PTPRD: variants seen among roughly 807,000 people sequenced by gnomAD.
PTPRD encodes the protein receptor-type tyrosine-protein phosphatase delta.
In PTPRD, 34 loss-of-function variants were observed where a neutral mutation model predicts 214.5. That is an observed-to-expected ratio of 0.16 (90% CI 0.12 to 0.21). The LOEUF is 0.21. Ranked by LOEUF, PTPRD falls within the 10% of genes least tolerant of loss-of-function variation. PTPRD has a pLI of 1.00. For synonymous variants in PTPRD, 1,128 were observed against 845.7 expected, an observed-to-expected ratio of 1.33 and a Z score of -5.79; for missense variants, 2,545 against 2,398.7, an observed-to-expected ratio of 1.06 and a Z score of -1.27.
At chr9:8,777,317 A>G (rs1182929322) in intron 11 of PTPRD, among the ~76,000 whole-genome samples, 1 of 152,126 alleles carries the variant, frequency 6.6e-6, no homozygotes, top group Admixed American at 6.6e-5. Flanking sequence ...GTATTACCCA[A>G]CTGGTTGACA....
intron 7 of PTPRD, among the ~76,000 whole-genome samples, chr9:9,722,963 C>T (rs920575585): frequency 2.0e-5 from 3 of 152,050 alleles, no homozygotes; most frequent in Admixed American, 6.6e-5. Context: ...TATGATTTCA[C>T]AACACTTTCT....
chr9:8,951,320 CT>C (rs35028756), intron 11 of PTPRD, among the ~76,000 whole-genome samples: 34,370 of 127,632 alleles, frequency 0.27, 4,069 homozygotes, highest in East Asian at 0.32. Flanking sequence ...CTGGATCCTC[CT>C]TTTTTTTTTT....
At chr9:8,710,104 C>T (rs150478449) in intron 12 of PTPRD, among the ~76,000 whole-genome samples, 93 of 152,212 alleles carry the variant, frequency 6.1e-4, no homozygotes, top group Non-Finnish European at 1.2e-3. Flanking sequence ...GCAAGGTGCA[C>T]GCACATCCTA....
intron 8 of PTPRD, among the ~76,000 whole-genome samples, chr9:9,536,000 C>G (rs1468957700): frequency 6.6e-6 from 1 of 152,008 alleles, no homozygotes; most frequent in Non-Finnish European, 1.5e-5. Flanking sequence ...AATGTCATAT[C>G]AACATAAATA....
intron 2 of PTPRD, among the ~76,000 whole-genome samples, chr9:10,347,436 G>A (rs1239242139): frequency 1.4e-5 from 2 of 141,300 alleles, no homozygotes; most frequent in East Asian, 4.1e-4. Flanking sequence ...TTGAGATGGA[G>A]TTTTGCTCTT....
Position 9,927,682 on chromosome 9 carries a change from A to G in PTPRD, c.-368+10825T>C, listed in dbSNP as rs182650257. Among the ~76,000 whole-genome samples the G allele has an allele frequency of 7.0e-4, 106 of 152,236 alleles. No individual in the cohort carries two copies. The East Asian group carries it at 0.014, about 21-fold the overall frequency. On this transcript the variant is annotated intron_variant, in intron 5 of 45. Transcript: ENST00000381196. The stretch of plus-strand genomic sequence containing the variant: ...CTCCTATGATGGATAAATTACAAGT[A>G]TATTATTAATATCTATCTATTTTTC...
chr9:8,928,833 T>C (rs80029379), intron 11 of PTPRD, among the ~76,000 whole-genome samples: 2 of 152,152 alleles, frequency 1.3e-5, no homozygotes, highest in African/African-American at 4.8e-5. Context: ...GGATGGAATG[T>C]TTTTCCATTT....
At chr9:10,395,935 C>G (rs1050010001) in intron 2 of PTPRD, among the ~76,000 whole-genome samples, 2 of 143,496 alleles carry the variant, frequency 1.4e-5, no homozygotes, top group Non-Finnish European at 3.0e-5. Context: ...GAAGAAGCCA[C>G]AGAGGGACAT....
chr9:10,334,398 C>G (rs1490259607), intron 3 of PTPRD, among the ~76,000 whole-genome samples: 1 of 151,494 alleles, frequency 6.6e-6, no homozygotes, highest in Non-Finnish European at 1.5e-5. Context: ...AGGGAGCTTC[C>G]TCAACTTGGT....
At chr9:10,171,151 C>A (rs1593073914) in intron 3 of PTPRD, among the ~76,000 whole-genome samples, 1 of 152,280 alleles carries the variant, frequency 6.6e-6, no homozygotes, top group South Asian at 2.1e-4. Flanking sequence ...AGAGTTATAT[C>A]TATACCTGGG....
chr9:10,218,271 C>T (rs969915553), intron 3 of PTPRD, among the ~76,000 whole-genome samples: 1 of 151,830 alleles, frequency 6.6e-6, no homozygotes, highest in African/African-American at 2.4e-5. Context: ...AATGAAAAAT[C>T]CAAACAGTAA....
chr9:10,319,636 G>GAT (rs747256986), intron 3 of PTPRD, among the ~76,000 whole-genome samples: 3 of 151,896 alleles, frequency 2.0e-5, no homozygotes, highest in Non-Finnish European at 4.4e-5. Flanking sequence ...TAACGGAATG[G>GAT]ATATACAGGA....
chr9:9,619,982 G>GAGAGAGAA (rs898014020), intron 7 of PTPRD, among the ~76,000 whole-genome samples: 4 of 151,806 alleles, frequency 2.6e-5, no homozygotes, highest in African/African-American at 7.2e-5. Flanking sequence ...TGGAGAAAGA[G>GAGAGAGAA]AGAGAGAAAG....
intron 9 of PTPRD, among the ~76,000 whole-genome samples, chr9:9,346,703 T>C (rs563527168): frequency 4.3e-4 from 65 of 152,242 alleles, no homozygotes; most frequent in African/African-American, 1.5e-3. Context: ...ATTTTTTTTT[T>C]CTTTTTTAGA....
At chr9:9,000,534 A>G (rs953114708) in intron 11 of PTPRD, among the ~76,000 whole-genome samples, 1 of 152,006 alleles carries the variant, frequency 6.6e-6, no homozygotes, top group Non-Finnish European at 1.5e-5. Flanking sequence ...GGCCTCTGCT[A>G]AGGATCTGCA....
chr9:8,352,654 A>T (rs1222410266), intron 39 of PTPRD, among the ~76,000 whole-genome samples: 3 of 152,176 alleles, frequency 2.0e-5, no homozygotes, highest in Non-Finnish European at 4.4e-5. Context: ...ATTACTCCTG[A>T]TTCAGGTTAA....
intron 34 of PTPRD, among the ~76,000 whole-genome samples, chr9:8,449,199 C>A (rs868262614): frequency 6.6e-6 from 1 of 152,144 alleles, no homozygotes; most frequent in Non-Finnish European, 1.5e-5. Context: ...CTGAAGTGAT[C>A]AGTGAAATTT....
intron 11 of PTPRD, among the ~76,000 whole-genome samples, chr9:8,800,057 C>T (rs2096540468): frequency 6.6e-6 from 1 of 151,726 alleles, no homozygotes; most frequent in African/African-American, 2.4e-5. Flanking sequence ...AAGCATAGGA[C>T]GGCACTACCA....
chr9:9,097,945 A>T (rs1429515026), intron 10 of PTPRD, among the ~76,000 whole-genome samples: 1 of 152,102 alleles, frequency 6.6e-6, no homozygotes, highest in Non-Finnish European at 1.5e-5. Context: ...ATGCTTGCTG[A>T]CCATCATAAA....
Sources: allele counts gnomAD v4.1 joint callset (sites outside exome capture counted in the v4.1 genomes callset), GRCh38; gene constraint gnomAD v4.1.1; transcripts MANE v1.5; gene names NCBI Gene and HGNC (gene_info 2026-07-23, HGNC 2026-07-21).